CPS1: variants seen among roughly 807,000 people sequenced by gnomAD.
CPS1 encodes the protein carbamoyl-phosphate synthase [ammonia], mitochondrial.
A neutral mutation model predicts 174.6 loss-of-function variants in CPS1; 109 were observed. The observed-to-expected ratio is 0.62, with a 90% CI of 0.53 to 0.73. CPS1 has a LOEUF of 0.73. Among genes scored for constraint, CPS1 ranks in the 30% least tolerant of loss-of-function variants. The pLI is 0.00. For missense variants in CPS1, 1,689 were observed against 1,821.9 expected (o/e 0.93, Z 1.33); for synonymous variants, 637 against 632.0 (o/e 1.01, Z -0.12).
chr2:210,663,214 C>G lies in CPS1; in HGVS notation c.4002+17C>G. On this transcript the variant is annotated intron_variant, in intron 33 of 37. Coordinates refer to ENST00000233072, the MANE Select transcript of CPS1 (RefSeq NM_001875.5). ...ACTGGAGAGGTAACTAGTTAATAATCCATGGAAGCTTTCATTAAATCTACT... is the reference window on the plus strand; with the variant it reads ...ACTGGAGAGGTAACTAGTTAATAATGCATGGAAGCTTTCATTAAATCTACT... The G allele has an allele frequency of 1.9e-6, 3 of 1,601,268 alleles. No homozygotes were observed. Among genetic ancestry groups the G allele is most frequent in the Non-Finnish European group, 2.6e-6 (3 of 1,168,532 alleles).
intron 21 of CPS1, among the ~76,000 whole-genome samples, chr2:210,635,133 C>T (rs1485210787): frequency 3.3e-5 from 5 of 151,946 alleles, no homozygotes; most frequent in African/African-American, 7.3e-5. Context: ...TTTGTAGAGA[C>T]GGGGTTTCAC....
chr2:210,488,389 C>T (rs1000659686), intron 1 of CPS1, among the ~76,000 whole-genome samples: 31 of 152,228 alleles, frequency 2.0e-4, no homozygotes, highest in African/African-American at 7.5e-4. Context: ...ATTTGAAAAG[C>T]GAGGAAGTGT....
chr2:210,499,619 T>A (rs1156956630), intron 1 of CPS1, among the ~76,000 whole-genome samples: 1 of 152,232 alleles, frequency 6.6e-6, no homozygotes, highest in Non-Finnish European at 1.5e-5. Flanking sequence ...GTCCTGGGTC[T>A]GAGAAAATGC....
chr2:210,577,352 C>A (rs954157191), intron 3 of CPS1, 69 bp from the exon 4 acceptor site: 1 of 1,239,072 alleles, frequency 8.1e-7, no homozygotes, highest in Non-Finnish European at 1.2e-6. Context: ...AAAACAAATG[C>A]AAATTGACTC....
At chr2:210,527,459 G>GT (rs904478383) in intron 1 of CPS1, among the ~76,000 whole-genome samples, 5 of 151,864 alleles carry the variant, frequency 3.3e-5, no homozygotes, top group African/African-American at 1.2e-4. Flanking sequence ...GATTTTGAAT[G>GT]TGAGAGAAGT....
intron 1 of CPS1, among the ~76,000 whole-genome samples, chr2:210,517,090 A>T (rs546504210): frequency 6.6e-6 from 1 of 151,854 alleles, no homozygotes; most frequent in Non-Finnish European, 1.5e-5. Context: ...TTTCCATATG[A>T]TGTTTTATAA....
At chr2:210,479,898 G>T (rs1189920421) in intron 1 of CPS1, among the ~76,000 whole-genome samples, 1 of 152,032 alleles carries the variant, frequency 6.6e-6, no homozygotes, top group Admixed American at 6.5e-5. Context: ...CTCTAAAACT[G>T]AATACTTCTG....
At chr2:210,615,614 A>G (rs148944226) in intron 20 of CPS1, among the ~76,000 whole-genome samples, 247 of 152,140 alleles carry the variant, frequency 1.6e-3, no homozygotes, top group Non-Finnish European at 2.7e-3. Context: ...ACATACAAGA[A>G]TAAGAGTAGA....
intron 14 of CPS1, among the ~76,000 whole-genome samples, 178 bp downstream of exon 14, chr2:210,599,739 A>G (rs983221913): frequency 1.3e-5 from 2 of 151,974 alleles, no homozygotes; most frequent in Non-Finnish European, 2.9e-5. Context: ...ACTACTAGTT[A>G]ATTTCACAAA....
chr2:210,639,618 C>CAA (rs397987630), intron 23 of CPS1, among the ~76,000 whole-genome samples: 3,498 of 31,954 alleles, frequency 0.11, 436 homozygotes, highest in East Asian at 0.26. Context: ...GACTCCGTCT[C>CAA]AAAAAAAAAA....
At chr2:210,642,753 G>C in intron 25 of CPS1, 88 bp downstream of exon 25, 1 of 1,187,812 alleles carries the variant, frequency 8.4e-7, no homozygotes, top group Non-Finnish European at 1.2e-6. Flanking sequence ...GTATATAGAT[G>C]TATATAGTAA....
At chr2:210,644,187 G>C (rs1700308087) in intron 25 of CPS1, among the ~76,000 whole-genome samples, 1 of 151,966 alleles carries the variant, frequency 6.6e-6, no homozygotes, top group Non-Finnish European at 1.5e-5. Flanking sequence ...CAGTATTATA[G>C]AAAGAAAGAA....
In CPS1 at chr2:210,590,155, T is replaced by G; in HGVS notation, c.761T>G (p.Met254Arg). 1 of 1,612,832 alleles carries G rather than the reference T, an allele frequency of 6.2e-7. No homozygotes were observed. Among genetic ancestry groups the G allele is most frequent in the Non-Finnish European group, 8.5e-7 (1 of 1,179,182 alleles). ...CCCTGGAACCATGATTTCACCAAGA[T>G]GGAGTATGATGGGATTTTGATCGCG... is the stretch of plus-strand genomic sequence containing the variant. ...LVPWNHDFTK[M>R]EYDGILIAGG... The change falls in exon 8 of 38, where the codon ATG becomes AGG. Residue 254 changes from methionine (M) to arginine (R), a missense_variant. Transcript: ENST00000233072.
intron 19 of CPS1, among the ~76,000 whole-genome samples, chr2:210,611,411 C>T (rs903525011): frequency 4.6e-5 from 7 of 151,848 alleles, no homozygotes; most frequent in African/African-American, 1.2e-4. Context: ...GTTTATCCAG[C>T]GAAAATAACT....
intron 1 of CPS1, among the ~76,000 whole-genome samples, chr2:210,507,420 A>G (rs546442278): frequency 6.6e-6 from 1 of 152,342 alleles, no homozygotes; most frequent in East Asian, 1.9e-4. Context: ...CCACTGCAAA[A>G]ACATGCCAAA....
At chr2:210,622,492 C>T (rs966085936) in intron 21 of CPS1, among the ~76,000 whole-genome samples, 8 of 151,602 alleles carry the variant, frequency 5.3e-5, no homozygotes, top group African/African-American at 1.9e-4. Context: ...CTAAAATAGA[C>T]AGCTTCAGTT....
intron 1 of CPS1, among the ~76,000 whole-genome samples, chr2:210,563,723 C>T (rs1451799213): frequency 1.3e-5 from 2 of 152,240 alleles, no homozygotes; most frequent in East Asian, 1.9e-4. Context: ...GAGAACCTAA[C>T]AATAATGATA....
At chr2:210,599,261 C>T (rs142094181) in intron 13 of CPS1, 111 bp from the exon 14 acceptor site, 28 of 923,212 alleles carry the variant, frequency 3.0e-5, no homozygotes, top group East Asian at 2.6e-4. Context: ...CGGATCTCTA[C>T]GGCCCACAGA....
intron 1 of CPS1, among the ~76,000 whole-genome samples, chr2:210,570,321 T>C (rs1204738265): frequency 1.3e-5 from 2 of 151,940 alleles, no homozygotes; most frequent in Non-Finnish European, 2.9e-5. Flanking sequence ...ATAGCAAATG[T>C]CTCTTCAACT....
Sources: gnomAD v4.1 joint callset for allele counts (sites outside exome capture counted in the v4.1 genomes callset) on GRCh38, gnomAD v4.1.1 for gene constraint, MANE v1.5 for transcripts, NCBI Gene and HGNC (gene_info 2026-07-23, HGNC 2026-07-21) for gene names.